The following DIDO1 variants were observed in gnomAD, a reference collection of about 807,000 sequenced individuals.
DIDO1 encodes the protein death-inducer obliterator 1.
DIDO1 carries 16 observed loss-of-function variants against 99.4 expected under a neutral mutation model. The observed-to-expected ratio is 0.16, with a 90% CI of 0.11 to 0.24. DIDO1 has a LOEUF of 0.24. Ranked by LOEUF, DIDO1 falls within the 10% of genes least tolerant of loss-of-function variation. The pLI is 1.00. For missense variants in DIDO1, 2,996 were observed against 3,014.0 expected, an observed-to-expected ratio of 0.99 and a Z score of 0.14; for synonymous variants, 1,366 against 1,239.1, an observed-to-expected ratio of 1.10 and a Z score of -2.15.
Position 62,892,023 on chromosome 20 carries a change from C to T in DIDO1, c.3309G>A (p.Trp1103Ter). The change falls in exon 14 of 16, where the codon TGG becomes TGA. Residue 1103 changes from tryptophan to a stop codon, truncating the protein, a stop_gained. Coordinates refer to ENST00000395343, the MANE Select transcript of DIDO1 (RefSeq NM_001193369.2). LOFTEE classifies it high-confidence loss of function. ...AAGACTTGAGTTTGCCAACATAATC[C>T]CAAACTGTCTTCGGTGCGATCCTCC... Reference protein sequence around the residue: ...IGGRIAPKTVWDYVGKLKSSV... With the variant: ...IGGRIAPKTV 6.2e-7 allele frequency: 1 copy of T among 1,613,216 alleles called. No homozygotes were observed. Among genetic ancestry groups the T allele is most frequent in the Non-Finnish European group, 8.5e-7 (1 of 1,179,888 alleles).
At chr20:62,912,236 A>G (rs924735520) in intron 2 of DIDO1, among the ~76,000 whole-genome samples, 16 of 152,222 alleles carry the variant, frequency 1.1e-4, no homozygotes, top group Non-Finnish European at 2.4e-4. Context: ...GGGACCCTCC[A>G]TACCAGCCCT....
At chr20:62,933,539 A>G (rs1475598119) in intron 1 of DIDO1, among the ~76,000 whole-genome samples, 2 of 152,228 alleles carry the variant, frequency 1.3e-5, no homozygotes, top group Non-Finnish European at 2.9e-5. Flanking sequence ...GTTTTGAAAC[A>G]TGGCTGATAT....
In DIDO1 at chr20:62,896,119, G is replaced by C. The variant is rs571548071; in HGVS notation, c.2214+114C>G. ...CGGCAGAAGGATCACAGAGGAGAAA[G>C]AAACGTCTTAGCTTTCCTGGAAAGG... On this transcript the variant is annotated intron_variant, in intron 8 of 15. Coordinates refer to ENST00000395343, the MANE Select transcript of DIDO1 (RefSeq NM_001193369.2). The surrounding 1 kb of genome is among the most constrained non-coding windows in gnomAD (Gnocchi z 4.4). 3.8e-5 allele frequency: 45 copies of C among 1,174,614 alleles called. No individual in the cohort carries two copies. The African/African-American group carries it at 5.9e-4, about 15-fold the overall frequency. 72.8% of individuals were successfully genotyped at this position (1,174,614 alleles called of 1,614,324 possible). A position where few individuals can be genotyped will look rare whatever the true frequency, so the allele number is the denominator to read the frequency against.
chr20:62,929,695 G>GATATATATA (rs2065308341), upstream of DIDO1, among the ~76,000 whole-genome samples: 1 of 97,970 alleles, frequency 1.0e-5, no homozygotes, highest in Admixed American at 1.0e-4. Flanking sequence ...AAGAAAAAGT[G>GATATATATA]TATATATATA....
Position 62,893,760 on chromosome 20 carries a change from A to G in DIDO1, c.3007T>C (p.Leu1003=), listed in dbSNP as rs1568842663. The G allele has an allele frequency of 3.1e-6, 5 of 1,614,264 alleles. No homozygotes were observed. Among genetic ancestry groups the G allele is most frequent in the Non-Finnish European group, 4.2e-6 (5 of 1,180,040 alleles). ...GACTTGGGCACCATCACAGAAGTCA[A>G]GACAGGCTTCGGCACATCCTGTCTG... ...EARQDVPKPV[L]TSVMVPKSIL... Residue 1003 remains leucine, a synonymous_variant, in exon 12 of 16, where the codon TTG becomes CTG. Transcript: ENST00000395343.
intron 1 of DIDO1, among the ~76,000 whole-genome samples, chr20:62,936,650 G>A (rs1482964906): frequency 6.6e-6 from 1 of 152,176 alleles, no homozygotes; most frequent in African/African-American, 2.4e-5. Context: ...CGGATCACGA[G>A]GTCAAGACAC....
At chr20:62,910,079 A>G in intron 3 of DIDO1, 59 bp from the exon 4 acceptor site, 1 of 1,526,450 alleles carries the variant, frequency 6.6e-7, no homozygotes, top group Non-Finnish European at 8.9e-7. Context: ...ACTTTTCAAC[A>G]CATTAATAAG....
chr20:62,885,155 G>C (rs533697514), intron 15 of DIDO1, among the ~76,000 whole-genome samples: 11 of 152,358 alleles, frequency 7.2e-5, no homozygotes, highest in African/African-American at 2.6e-4. Context: ...CTGAGGCTCA[G>C]GCTGAGTTCT....
intron 6 of DIDO1, among the ~76,000 whole-genome samples, chr20:62,898,725 G>C (rs2064593507): frequency 6.6e-6 from 1 of 152,148 alleles, no homozygotes; most frequent in African/African-American, 2.4e-5. Flanking sequence ...ACTCATTCCT[G>C]TTGGAGCTGG....
chr20:62,930,338 C>T (rs1198558199), upstream of DIDO1, among the ~76,000 whole-genome samples: 6 of 152,290 alleles, frequency 3.9e-5, no homozygotes, highest in South Asian at 2.1e-4. Flanking sequence ...CAATGAATTC[C>T]GCTGAATGCT....
At chr20:62,935,872 A>C (rs1283923247) in intron 1 of DIDO1, among the ~76,000 whole-genome samples, 1 of 152,242 alleles carries the variant, frequency 6.6e-6, no homozygotes, top group East Asian at 1.9e-4. Context: ...CAAAAAGCAA[A>C]GATGATGGCT....
upstream of DIDO1, among the ~76,000 whole-genome samples, chr20:62,927,359 C>T (rs898234792): frequency 6.6e-6 from 1 of 152,224 alleles, no homozygotes; most frequent in African/African-American, 2.4e-5. Context: ...AGATGTCAAC[C>T]TTCCATGTGG....
At chr20:62,928,808 T>G (rs894684527), upstream of DIDO1, 3 of 152,128 alleles carry the variant, frequency 2.0e-5, no homozygotes, top group African/African-American at 7.2e-5. Context: ...AGCAGGAAGC[T>G]TAATAGGTGG....
At chr20:62,937,082 G>A (rs1036436675) in intron 1 of DIDO1, among the ~76,000 whole-genome samples, 2 of 152,190 alleles carry the variant, frequency 1.3e-5, no homozygotes, top group Admixed American at 1.3e-4. Context: ...TAGACCGACC[G>A]ACATAGCTTA....
intron 14 of DIDO1, 37 bp from the exon 15 acceptor site, chr20:62,891,192 T>A (rs2064390218): frequency 1.2e-6 from 2 of 1,611,270 alleles, no homozygotes; most frequent in Admixed American, 1.7e-5. Flanking sequence ...ATAAAGAAAA[T>A]GTGGCTCAAG....
At position 62,910,995 on chromosome 20, in the gene DIDO1, A is replaced by C; in HGVS notation, c.618T>G (p.Ser206Arg). The C allele has an allele frequency of 6.2e-7, 1 of 1,613,536 alleles. No homozygotes were observed. Among genetic ancestry groups the C allele is most frequent in the Non-Finnish European group, 8.5e-7 (1 of 1,179,878 alleles). Residue 206 changes from serine to arginine, a missense_variant, in exon 3 of 16, where the codon AGT becomes AGG. Physicochemically the swap from Ser to Arg is moderately radical, Grantham distance 110 (BLOSUM62 -1). This residue lies in a region of DIDO1 where 388 missense variants were observed against 376.6 expected (regional missense o/e 1.03). Transcript: ENST00000395343. ...GPAETVGSEASDTVEGVLPSK... is the reference protein window; with the variant it reads ...GPAETVGSEARDTVEGVLPSK... ...TGGGCAGGACGCCCTCCACAGTGTCACTGGCCTCGGAGCCCACAGTCTCGG... is the reference window on the plus strand; with the variant it reads ...TGGGCAGGACGCCCTCCACAGTGTCCCTGGCCTCGGAGCCCACAGTCTCGG...
intron 1 of DIDO1, among the ~76,000 whole-genome samples, chr20:62,937,437 C>T (rs1041867441): frequency 7.2e-5 from 11 of 152,204 alleles, no homozygotes; most frequent in Admixed American, 6.5e-4. Flanking sequence ...GCCCCGCAAG[C>T]AAGTGGGGTC....
chr20:62,899,605 C>T (rs8115010), intron 6 of DIDO1, among the ~76,000 whole-genome samples: 2,242 of 152,258 alleles, frequency 0.015, 62 homozygotes, highest in African/African-American at 0.05. Flanking sequence ...AGCAGATTAA[C>T]GTAATTTATT....
At position 62,887,958 on chromosome 20, in the gene DIDO1, A is replaced by T. The variant is rs896537316; in HGVS notation, c.3541+3002T>A. ...AGACAACCCGGTGTTTCTGTGGACA[A>T]ATCATTAAGATATGCAAGGACAAAT... On this transcript the variant is annotated intron_variant, in intron 15 of 15. Transcript: ENST00000395343. 5 of 985,382 alleles carry T rather than the reference A, an allele frequency of 5.1e-6. No individual in the cohort carries two copies. In the African/African-American group the frequency reaches 7.0e-5, roughly 14 times the overall value. The allele number at this position is 985,382 out of a possible 1,614,324, so 61.0% of individuals were successfully genotyped here. A position where few individuals can be genotyped will look rare whatever the true frequency, so the allele number is the denominator to read the frequency against.
Sources: allele counts gnomAD v4.1 joint callset (sites outside exome capture counted in the v4.1 genomes callset), GRCh38; gene constraint gnomAD v4.1.1; regional missense constraint gnomAD v4.1.1; non-coding constraint Gnocchi (gnomAD v3.1); transcripts MANE v1.5; gene names NCBI Gene and HGNC (gene_info 2026-07-23, HGNC 2026-07-21).